The following POMT1 variants were observed in gnomAD, a reference collection of about 807,000 sequenced individuals.
The protein encoded by POMT1 is protein O-mannosyltransferase 1, also known as protein O-mannosyl-transferase 1.
In POMT1, 85 loss-of-function variants were observed where a neutral mutation model predicts 101.6. The observed-to-expected ratio is 0.84, with a 90% CI of 0.70 to 1.00. POMT1 has a LOEUF of 1.00. Among genes scored for constraint, POMT1 ranks in the 50% least tolerant of loss-of-function variants. The probability of loss-of-function intolerance (pLI) is 0.00; values close to 1 mark genes in which losing one functional copy is unlikely to be tolerated. For missense variants in POMT1, 857 were observed against 930.4 expected (o/e 0.92, Z 1.03); for synonymous variants, 371 against 383.0 (o/e 0.97, Z 0.37).
rs1554772469 is a variant in POMT1 at position 131,507,401 on chromosome 9, G to A, written c.314G>A (p.Arg105His). 7.4e-6 allele frequency: 12 copies of A among 1,614,188 alleles called. No homozygotes were observed. Among genetic ancestry groups the A allele is most frequent in the Middle Eastern group, 1.6e-4 (1 of 6,062 alleles). Residue 105 changes from arginine to histidine, a missense_variant, in exon 5 of 20, where the codon CGC (arginine) becomes CAC (histidine). Physicochemically the swap from Arg to His is conservative, Grantham distance 29 (BLOSUM62 0). Coordinates refer to ENST00000402686, the MANE Select transcript of POMT1 (RefSeq NM_001077365.2). ...YSSNVPVWSLRLLPALAGALS... is the reference protein window; with the variant it reads ...YSSNVPVWSLHLLPALAGALS... Reference sequence around the variant, plus strand: ...AGCAACGTGCCTGTGTGGTCCCTGCGCCTGCTGCCAGCACTCGCGGGGGCC... The same window carrying A: ...AGCAACGTGCCTGTGTGGTCCCTGCACCTGCTGCCAGCACTCGCGGGGGCC...
intron 17 of POMT1, 89 bp from the exon 18 acceptor site, chr9:131,521,257 C>G: frequency 1.9e-6 from 3 of 1,568,690 alleles, no homozygotes; most frequent in Non-Finnish European, 2.6e-6. Flanking sequence ...TAAAGTAGTG[C>G]GTGCATCTGA....
chr9:131,523,406 C>T lies in POMT1; in HGVS notation c.*300C>T. On this transcript the variant is annotated 3_prime_UTR_variant, in exon 20 of 20. Coordinates refer to ENST00000402686, the MANE Select transcript of POMT1 (RefSeq NM_001077365.2). ...CATTGACAACAAAAAGCCGAGAACC[C>T]AGGGCCAGCAGTGGAGCCTCAGCAG... 1 of 400,098 alleles carries T rather than the reference C, an allele frequency of 2.5e-6. No individual in the cohort carries two copies. Among genetic ancestry groups the T allele is most frequent in the Non-Finnish European group, 4.7e-6 (1 of 210,958 alleles). 24.8% of individuals were successfully genotyped at this position (400,098 alleles called of 1,614,324 possible). A position where few individuals can be genotyped will look rare whatever the true frequency, so the allele number is the denominator to read the frequency against.
In POMT1 at chr9:131,522,079, C is replaced by T. The variant is rs1409419812; in HGVS notation, c.1858C>T (p.Leu620=). The T allele has an allele frequency of 1.9e-6, 3 of 1,614,128 alleles. No homozygotes were observed. Among genetic ancestry groups the T allele is most frequent in the Admixed American group, 1.7e-5 (1 of 60,032 alleles). ...AWLRWVLAGA[L]CAGGWAVNYL... ...GCTGCGCTGGGTGCTGGCTGGGGCG[C>T]TGTGTGCCGGTGGCTGGGCAGTGAA... The change falls in exon 19 of 20, where the codon CTG becomes TTG. Residue 620 remains leucine, a synonymous_variant. Coordinates refer to ENST00000402686, the MANE Select transcript of POMT1 (RefSeq NM_001077365.2). This position sits in a 1 kb window ranked among gnomAD's most constrained non-coding sequence, Gnocchi z 5.5.
chr9:131,507,945 A>G (rs1174554990), intron 5 of POMT1, among the ~76,000 whole-genome samples: 1 of 152,234 alleles, frequency 6.6e-6, no homozygotes, highest in Non-Finnish European at 1.5e-5. Context: ...ATGAAAAGTT[A>G]GATTAGGCTG....
rs775878866 is a variant in POMT1, at chr9:131,515,536, C to A, written c.1272+14C>A. 1.3e-5 allele frequency: 21 copies of A among 1,609,936 alleles called. No individual in the cohort carries two copies. Among genetic ancestry groups the A allele is most frequent in the Non-Finnish European group, 1.8e-5 (21 of 1,176,802 alleles). On this transcript the variant is annotated intron_variant, in intron 13 of 19. Transcript: ENST00000402686. Reference sequence around the variant, plus strand: ...CTCTGGAGACTGGTGAGTAAGGCTGCGGCTATAGCAGCCACAACCGTCAGT... The same window carrying A: ...CTCTGGAGACTGGTGAGTAAGGCTGAGGCTATAGCAGCCACAACCGTCAGT...
rs1447339178 is a variant in POMT1 at position 131,523,429 on chromosome 9, C to A, written c.*323C>A. 2 of 377,732 alleles carry A rather than the reference C, an allele frequency of 5.3e-6. No homozygotes were observed. The highest frequency in any genetic ancestry group is 5.1e-6 in the Non-Finnish European group (1 of 196,782). 23.4% of individuals were successfully genotyped at this position (377,732 alleles called of 1,614,324 possible). ...CCCAGGGCCAGCAGTGGAGCCTCAG[C>A]AGACCAGGGCCTGGTCCTTGCTAAC... On this transcript the variant is annotated 3_prime_UTR_variant, in exon 20 of 20. Transcript: ENST00000402686.
intron 12 of POMT1, among the ~76,000 whole-genome samples, chr9:131,515,051 G>T (rs76087273): frequency 6.6e-6 from 1 of 152,378 alleles, no homozygotes; most frequent in South Asian, 2.1e-4. Flanking sequence ...GGGCGCAGGG[G>T]CGGGCAGCTC....
At chr9:131,504,716 T>TA (rs1307424069) in intron 2 of POMT1, among the ~76,000 whole-genome samples, 1 of 151,612 alleles carries the variant, frequency 6.6e-6, no homozygotes, top group Non-Finnish European at 1.5e-5. Context: ...TGATTGCTGT[T>TA]ATTATTGAAG....
intron 6 of POMT1, among the ~76,000 whole-genome samples, 191 bp from the exon 7 acceptor site, chr9:131,509,552 A>AT (rs1305364389): frequency 6.6e-6 from 1 of 152,168 alleles, no homozygotes; most frequent in African/African-American, 2.4e-5. Context: ...ACAGGACAAC[A>AT]TTTTCTGGGC....
In POMT1 at chr9:131,523,376, G is replaced by A. The variant is rs936417939; in HGVS notation, c.*270G>A. The A allele has an allele frequency of 4.1e-6, 2 of 489,352 alleles. No individual in the cohort carries two copies. Among genetic ancestry groups the A allele is most frequent in the African/African-American group, 3.9e-5 (2 of 51,234 alleles). The allele number at this position is 489,352 out of a possible 1,614,324, so 30.3% of individuals were successfully genotyped here. A position where few individuals can be genotyped will look rare whatever the true frequency, so the allele number is the denominator to read the frequency against. On this transcript the variant is annotated 3_prime_UTR_variant, in exon 20 of 20. Coordinates refer to ENST00000402686, the MANE Select transcript of POMT1 (RefSeq NM_001077365.2). ...AGGGAGTATTTCAGAGGCCAGCGTA[G>A]GAGTCATTGACAACAAAAAGCCGAG... is the stretch of plus-strand genomic sequence containing the variant.
At chr9:131,521,124 T>C in intron 17 of POMT1, 4 of 599,092 alleles carry the variant, frequency 6.7e-6, no homozygotes, top group Non-Finnish European at 9.0e-6. Flanking sequence ...ATTACAGGCA[T>C]GTGCCACCAC....
chr9:131,521,382 G>C lies in POMT1; in HGVS notation c.1735G>C (p.Val579Leu), dbSNP rs1588494128. 3.7e-6 allele frequency: 6 copies of C among 1,614,162 alleles called. No individual in the cohort carries two copies. Among genetic ancestry groups the C allele is most frequent in the Non-Finnish European group, 5.1e-6 (6 of 1,180,022 alleles). ...IHLLGNIVIW[V>L]SGSLALAIYA... is the part of the protein sequence containing the mutation. ...CCTACTTGGAAACATAGTGATCTGG[G>C]TTTCGGGCAGCCTCGCTCTGGCCAT... is the stretch of plus-strand genomic sequence containing the variant. The change falls in exon 18 of 20, where the codon GTT (valine) becomes CTT (leucine). Residue 579 changes from valine (V) to leucine (L), a missense_variant. Transcript: ENST00000402686.
At chr9:131,514,221 G>A (rs767004105) in intron 12 of POMT1, among the ~76,000 whole-genome samples, 4 of 152,100 alleles carry the variant, frequency 2.6e-5, no homozygotes, top group East Asian at 1.9e-4. Flanking sequence ...TCCGGCCTGC[G>A]GACCGTGCAC....
rs893769606 is a variant in POMT1, at chr9:131,503,659, G to A, written c.-30-530G>A. On this transcript the variant is annotated intron_variant, in intron 1 of 19. Transcript: ENST00000402686. The surrounding 1 kb of genome is among the most constrained non-coding windows in gnomAD (Gnocchi z 4.4). Reference sequence around the variant, plus strand: ...GAACGTGGGGGCGCAGGGTGCAAATGCACCCTCCAGGCGAGAAAGGGAGCA... The same window carrying A: ...GAACGTGGGGGCGCAGGGTGCAAATACACCCTCCAGGCGAGAAAGGGAGCA... 2.0e-5 allele frequency among the ~76,000 whole-genome samples: 3 copies of A among 152,214 alleles called. No individual in the cohort carries two copies. The highest frequency in any genetic ancestry group is 4.4e-5 in the Non-Finnish European group (3 of 68,018).
Position 131,519,540 on chromosome 9 carries a change from CAGG to C in POMT1, c.1584+55_1584+57del. 6.6e-7 allele frequency: 1 copy of C among 1,513,454 alleles called. No individual in the cohort carries two copies. The highest frequency in any genetic ancestry group is 8.9e-7 in the Non-Finnish European group (1 of 1,120,322). 93.8% of individuals were successfully genotyped at this position (1,513,454 alleles called of 1,614,324 possible). A position where few individuals can be genotyped will look rare whatever the true frequency, so the allele number is the denominator to read the frequency against. On this transcript the variant is annotated intron_variant, in intron 16 of 19. Coordinates refer to ENST00000402686, the MANE Select transcript of POMT1 (RefSeq NM_001077365.2). The surrounding 1 kb of genome is among the most constrained non-coding windows in gnomAD (Gnocchi z 4.3). ...AGCTCGCTGAGCATTGACTCCTCAGCAGGGAGGCCTGGGGGCTGCACAGGACTC... is the reference window on the plus strand; with the variant it reads ...AGCTCGCTGAGCATTGACTCCTCAGCGAGGCCTGGGGGCTGCACAGGACTC...
intron 2 of POMT1, among the ~76,000 whole-genome samples, chr9:131,504,746 AAT>A (rs1491400147): frequency 2.6e-4 from 15 of 57,428 alleles, no homozygotes; most frequent in South Asian, 1.2e-3. Flanking sequence ...TTAACTGATT[AAT>A]GTGTGTATGT....
chr9:131,518,139 G>A (rs938821362), intron 13 of POMT1: 3 of 429,924 alleles, frequency 7.0e-6, no homozygotes, highest in South Asian at 6.1e-5. Flanking sequence ...AGGGCTCTGA[G>A]CCCTATGAAT....
chr9:131,517,477 T>C (rs564479070), intron 13 of POMT1, among the ~76,000 whole-genome samples: 1 of 152,292 alleles, frequency 6.6e-6, no homozygotes, highest in East Asian at 1.9e-4. Flanking sequence ...GGGGTCTTGC[T>C]ATGTTGTCCA....
chr9:131,520,747 G>A lies in POMT1; in HGVS notation c.1698+554G>A, dbSNP rs116323116. ...CTGAGCGCACTTTGCATTCTCCTCC[G>A]TGGACAGCGCTGCTGTTACAAAGTG... is the stretch of plus-strand genomic sequence containing the variant. On this transcript the variant is annotated intron_variant, in intron 17 of 19. Transcript: ENST00000402686. Among the ~76,000 whole-genome samples, 888 of 152,342 alleles carry A rather than the reference G, an allele frequency of 5.8e-3. 12 individuals are homozygous for A. The highest frequency in any genetic ancestry group is 0.02 in the African/African-American group (837 of 41,580).
Sources: gnomAD v4.1 joint callset for allele counts (sites outside exome capture counted in the v4.1 genomes callset) on GRCh38, gnomAD v4.1.1 for gene constraint, Gnocchi (gnomAD v3.1) non-coding constraint, MANE v1.5 for transcripts, NCBI Gene and HGNC (gene_info 2026-07-23, HGNC 2026-07-21) for gene names.